Variants in NAALADL2 observed in about 807,000 individuals in gnomAD.
NAALADL2 encodes inactive N-acetylated-alpha-linked acidic dipeptidase-like protein 2.
NAALADL2 carries 76 observed loss-of-function variants against 87.2 expected under a neutral mutation model. The observed-to-expected ratio is 0.87, with a 90% confidence interval of 0.72 to 1.05. The LOEUF (loss-of-function observed/expected upper bound fraction) is 1.05. Among genes scored for constraint, NAALADL2 ranks in the 50% least tolerant of loss-of-function variants. The pLI, the probability that NAALADL2 is intolerant of heterozygous loss-of-function variation, is 0.00. For missense variants in NAALADL2, 1,089 were observed against 945.8 expected, an observed-to-expected ratio of 1.15 and a Z score of -1.99; for synonymous variants, 354 against 331.0, an observed-to-expected ratio of 1.07 and a Z score of -0.75.
intron 13 of NAALADL2, among the ~76,000 whole-genome samples, chr3:175,795,116 A>G (rs1753301305): frequency 6.6e-6 from 1 of 152,150 alleles, no homozygotes; most frequent in Non-Finnish European, 1.5e-5. Context: ...CCACTTCCTA[A>G]TATCATCCCA....
chr3:175,064,001 A>G (rs369853158), intron 1 of NAALADL2, among the ~76,000 whole-genome samples: 219 of 152,270 alleles, frequency 1.4e-3, no homozygotes, highest in African/African-American at 5.0e-3. Flanking sequence ...CTTAATAGTC[A>G]AAATTCTGTG....
intron 10 of NAALADL2, among the ~76,000 whole-genome samples, chr3:175,582,509 T>A (rs538918811): frequency 3.4e-4 from 52 of 152,318 alleles, no homozygotes; most frequent in African/African-American, 1.2e-3. Flanking sequence ...AAAGCCTTTT[T>A]AAAAATAATT....
At chr3:174,706,032 T>C (rs1248762131) in intron 2 of NAALADL2, among the ~76,000 whole-genome samples, 6 of 152,324 alleles carry the variant, frequency 3.9e-5, no homozygotes, top group Admixed American at 3.9e-4. Flanking sequence ...GATCAACAAA[T>C]AAATTCAATA....
At chr3:175,179,664 C>G (rs1248526419) in intron 2 of NAALADL2, among the ~76,000 whole-genome samples, 1 of 151,966 alleles carries the variant, frequency 6.6e-6, no homozygotes, top group Non-Finnish European at 1.5e-5. Context: ...ACATGGGTTA[C>G]TTCTAGAGAG....
chr3:174,581,874 C>T (rs183890764), intron 2 of NAALADL2, among the ~76,000 whole-genome samples: 2 of 152,306 alleles, frequency 1.3e-5, no homozygotes, highest in East Asian at 1.9e-4. Flanking sequence ...ATGGTGGATA[C>T]TCCATCACTT....
intron 1 of NAALADL2, among the ~76,000 whole-genome samples, chr3:175,024,611 T>C (rs1751982950): frequency 6.6e-6 from 1 of 152,240 alleles, no homozygotes; most frequent in South Asian, 2.1e-4. Context: ...TAGAATATTA[T>C]TGTATGCATT....
intron 2 of NAALADL2, among the ~76,000 whole-genome samples, chr3:174,660,940 G>A (rs1725444849): frequency 6.6e-6 from 1 of 152,074 alleles, no homozygotes; most frequent in Admixed American, 6.6e-5. Context: ...AAGCATTATT[G>A]AGAACTGCCA....
At chr3:174,897,054 A>T (rs527259296) in intron 1 of NAALADL2, among the ~76,000 whole-genome samples, 1 of 152,232 alleles carries the variant, frequency 6.6e-6, no homozygotes, top group Non-Finnish European at 1.5e-5. Flanking sequence ...ACTTTAAACT[A>T]TGAAAACTAC....
intron 11 of NAALADL2, among the ~76,000 whole-genome samples, chr3:175,637,229 T>C (rs185086028): frequency 6.2e-4 from 94 of 152,374 alleles, no homozygotes; most frequent in African/African-American, 2.2e-3. Context: ...TGAGATATGT[T>C]TGTCAATGTT....
chr3:174,927,939 C>G (rs1163874760), intron 1 of NAALADL2, among the ~76,000 whole-genome samples: 1 of 152,012 alleles, frequency 6.6e-6, no homozygotes, highest in Non-Finnish European at 1.5e-5. Flanking sequence ...TTGAAGAGAT[C>G]TACATGCTTT....
chr3:175,605,631 A>C (rs1723593116), intron 10 of NAALADL2, among the ~76,000 whole-genome samples: 1 of 66,266 alleles, frequency 1.5e-5, no homozygotes, highest in South Asian at 6.5e-4. Flanking sequence ...ACCTAGATGT[A>C]TATTGCTTGT....
chr3:174,909,861 C>G (rs1733466533), intron 1 of NAALADL2, among the ~76,000 whole-genome samples: 1 of 151,962 alleles, frequency 6.6e-6, no homozygotes, highest in Admixed American at 6.6e-5. Flanking sequence ...TTTAGGATTC[C>G]CAGGCAAGAA....
intron 1 of NAALADL2, among the ~76,000 whole-genome samples, chr3:175,093,951 G>T (rs1720648821): frequency 1.3e-5 from 2 of 151,908 alleles, no homozygotes; most frequent in Non-Finnish European, 2.9e-5. Context: ...GTATTGTCAG[G>T]CTAGAGATGA....
rs190450082 is a variant in NAALADL2, at chr3:174,895,735, G to A, written c.43+36285G>A. On this transcript the variant is annotated intron_variant, in intron 1 of 13. Transcript: ENST00000454872. ...GACAAATACATCAAAACAAAAAAAC[G>A]AAAGCAAACAAACAAACAACTGCAG... Among the ~76,000 whole-genome samples the A allele has an allele frequency of 2.1e-3, 313 of 151,780 alleles. 3 individuals are homozygous for A. Among genetic ancestry groups the A allele is most frequent in the Admixed American group, 0.018 (278 of 15,238 alleles).
At chr3:175,135,856 C>T (rs1419286869) in intron 2 of NAALADL2, among the ~76,000 whole-genome samples, 1 of 152,094 alleles carries the variant, frequency 6.6e-6, no homozygotes, top group African/African-American at 2.4e-5. Flanking sequence ...TTTTAGGAAC[C>T]AGACAGAATA....
chr3:174,550,874 G>A (rs1438591174), intron 2 of NAALADL2: 1 of 151,886 alleles, frequency 6.6e-6, no homozygotes, highest in Non-Finnish European at 1.5e-5. Context: ...ATCATAAAAT[G>A]TATGTGATAA....
chr3:175,541,248 C>T (rs1299438128), intron 9 of NAALADL2, among the ~76,000 whole-genome samples: 1 of 152,200 alleles, frequency 6.6e-6, no homozygotes, highest in Non-Finnish European at 1.5e-5. Flanking sequence ...TTTACTTCTT[C>T]CTACTCTCCA....
At chr3:174,997,547 G>A (rs115354479) in intron 1 of NAALADL2, among the ~76,000 whole-genome samples, 3,498 of 152,174 alleles carry the variant, frequency 0.023, 60 homozygotes, top group Non-Finnish European at 0.033. Context: ...GAGAGGGGCC[G>A]GGCACGGTGG....
intron 2 of NAALADL2, among the ~76,000 whole-genome samples, chr3:175,201,338 T>C (rs564279849): frequency 1.4e-4 from 21 of 152,346 alleles, no homozygotes; most frequent in Non-Finnish European, 2.4e-4. Context: ...CTTTTAGTTA[T>C]ATAAGCCTTC....
Sources: allele counts gnomAD v4.1 joint callset (sites outside exome capture counted in the v4.1 genomes callset), GRCh38; gene constraint gnomAD v4.1.1; transcripts MANE v1.5; gene names NCBI Gene and HGNC (gene_info 2026-07-23, HGNC 2026-07-21).